The following MPPED2 variants were observed in gnomAD, a reference collection of about 807,000 sequenced individuals.
MPPED2 encodes metallophosphoesterase domain containing 2.
Under a neutral mutation model 33.0 loss-of-function variants are expected in MPPED2, and 5 were observed. The observed-to-expected ratio is 0.15, with a 90% CI of 0.08 to 0.32. The LOEUF is 0.32. Ranked by LOEUF, MPPED2 falls within the 10% of genes least tolerant of loss-of-function variation. The pLI, the probability that MPPED2 is intolerant of heterozygous loss-of-function variation, is 1.00. For missense variants in MPPED2, 275 were observed against 372.1 expected (o/e 0.74, Z 2.15); for synonymous variants, 136 against 141.9 (o/e 0.96, Z 0.29).
chr11:30,515,080 G>A (rs950776680), intron 3 of MPPED2, among the ~76,000 whole-genome samples: 4 of 152,162 alleles, frequency 2.6e-5, no homozygotes, highest in African/African-American at 9.7e-5. Context: ...GGGCAAAAGA[G>A]TGAGACTCTA....
chr11:30,393,634 T>C lies in MPPED2; in HGVS notation c.767-4678A>G, dbSNP rs1370270264. On this transcript the variant is annotated intron_variant, in intron 6 of 6. Coordinates refer to the MPPED2 transcript ENST00000448418. ...ACTTCATCCTCTGTGCCTAAAACAA[T>C]GTGAACACATAGGTAGTGCTCAATA... Among the ~76,000 whole-genome samples the C allele has an allele frequency of 2.6e-5, 4 of 152,176 alleles. No individual in the cohort carries two copies. The East Asian group carries it at 7.7e-4, about 29-fold the overall frequency.
At chr11:30,551,027 A>C (rs1046288477) in intron 2 of MPPED2, among the ~76,000 whole-genome samples, 1 of 152,216 alleles carries the variant, frequency 6.6e-6, no homozygotes, top group African/African-American at 2.4e-5. Flanking sequence ...TGACTCATAC[A>C]TAATTTCAAT....
chr11:30,454,348 T>C (rs902629652), intron 4 of MPPED2, among the ~76,000 whole-genome samples: 3 of 152,158 alleles, frequency 2.0e-5, no homozygotes, highest in Non-Finnish European at 4.4e-5. Flanking sequence ...ATAACCACGA[T>C]GTGTATAAAC....
intron 2 of MPPED2, among the ~76,000 whole-genome samples, chr11:30,553,173 A>C (rs1407778476): frequency 2.0e-5 from 3 of 152,010 alleles, no homozygotes; most frequent in Non-Finnish European, 1.5e-5. Context: ...CTGTTCCATC[A>C]CCACTCAACA....
At chr11:30,503,458 G>A (rs1276082380) in intron 3 of MPPED2, among the ~76,000 whole-genome samples, 2 of 152,020 alleles carry the variant, frequency 1.3e-5, no homozygotes, top group South Asian at 2.1e-4. Flanking sequence ...AAACAGGGTC[G>A]ATCACAATCA....
chr11:30,578,699 C>A (rs1957034082), intron 2 of MPPED2, among the ~76,000 whole-genome samples: 1 of 152,004 alleles, frequency 6.6e-6, no homozygotes, highest in Admixed American at 6.6e-5. Flanking sequence ...CCTTGTAGTT[C>A]TTTAATACAA....
chr11:30,388,517 G>C (rs1420835422), exon 7 of MPPED2: 1 of 163,632 alleles, frequency 6.1e-6, no homozygotes, highest in Non-Finnish European at 1.3e-5. Flanking sequence ...GGGACTGTTG[G>C]TAGGGGATGC....
At chr11:30,476,282 C>T (rs1326166581) in intron 4 of MPPED2, among the ~76,000 whole-genome samples, 2 of 151,828 alleles carry the variant, frequency 1.3e-5, no homozygotes, top group Non-Finnish European at 1.5e-5. Context: ...TTATTTTCTT[C>T]AGTGGTTTAT....
In MPPED2 at chr11:30,570,116, G is replaced by A. The variant is rs80041744; in HGVS notation, c.128+10130C>T. The stretch of plus-strand genomic sequence containing the variant: ...TTTGAGATGCTATTAACAAAATAGC[G>A]TAGACTGGGTAGCTCATAAAAGACA... On this transcript the variant is annotated intron_variant, in intron 2 of 6. Transcript: ENST00000358117. 5.1e-3 allele frequency among the ~76,000 whole-genome samples: 781 copies of A among 152,132 alleles called. 11 individuals are homozygous for A. The highest frequency in any genetic ancestry group is 0.017 in the African/African-American group (714 of 41,490).
intron 4 of MPPED2, among the ~76,000 whole-genome samples, chr11:30,479,244 C>A (rs1951368589): frequency 6.6e-6 from 1 of 152,114 alleles, no homozygotes; most frequent in Admixed American, 6.6e-5. Flanking sequence ...AAAGAGAATT[C>A]AAACCACTTC....
intron 4 of MPPED2, among the ~76,000 whole-genome samples, chr11:30,493,805 T>C (rs2134197746): frequency 6.6e-6 from 1 of 152,320 alleles, no homozygotes; most frequent in Non-Finnish European, 1.5e-5. Flanking sequence ...ACTGCAAACT[T>C]TACCTATTTT....
chr11:30,401,530 C>T (rs1030129887), intron 6 of MPPED2, among the ~76,000 whole-genome samples: 16 of 152,246 alleles, frequency 1.1e-4, no homozygotes, highest in African/African-American at 3.9e-4. Context: ...AGCCTCATCC[C>T]TAGAATAGGG....
chr11:30,427,449 C>T (rs1248541868), intron 4 of MPPED2, among the ~76,000 whole-genome samples: 1 of 152,158 alleles, frequency 6.6e-6, no homozygotes, highest in African/African-American at 2.4e-5. Context: ...AAGCCTGCTA[C>T]CTGCAAAATA....
At chr11:30,527,418 C>T (rs1250998005) in intron 3 of MPPED2, among the ~76,000 whole-genome samples, 1 of 150,502 alleles carries the variant, frequency 6.6e-6, no homozygotes, top group African/African-American at 2.5e-5. Flanking sequence ...TGAATAAAGC[C>T]TGGTGCTGGA....
In MPPED2 at chr11:30,424,247, A is replaced by C. The variant is rs528372048; in HGVS notation, c.537-6614T>G. On this transcript the variant is annotated intron_variant, in intron 4 of 6. Transcript: ENST00000358117. The stretch of plus-strand genomic sequence containing the variant: ...TATAATAGGGGGTGAAGAGAGGTTC[A>C]CCGAAGGAATTGACAAGCTACTAAT... Among the ~76,000 whole-genome samples, 226 of 152,324 alleles carry C rather than the reference A, an allele frequency of 1.5e-3. 1 individual carries two copies. The highest frequency in any genetic ancestry group is 3.0e-3 in the Non-Finnish European group (205 of 68,026).
intron 4 of MPPED2, among the ~76,000 whole-genome samples, chr11:30,452,562 A>G (rs1187983399): frequency 6.6e-6 from 1 of 152,160 alleles, no homozygotes; most frequent in African/African-American, 2.4e-5. Flanking sequence ...TTGGGGTCCA[A>G]CTCGAACTTA....
intron 3 of MPPED2, among the ~76,000 whole-genome samples, chr11:30,524,533 G>A (rs2134399844): frequency 6.6e-6 from 1 of 152,320 alleles, no homozygotes; most frequent in East Asian, 1.9e-4. Context: ...GGTGATAACA[G>A]CATCAACCAG....
At chr11:30,568,306 A>G (rs1956536462) in intron 2 of MPPED2, among the ~76,000 whole-genome samples, 1 of 152,126 alleles carries the variant, frequency 6.6e-6, no homozygotes, top group Non-Finnish European at 1.5e-5. Flanking sequence ...AATGGTGCCC[A>G]GATTTCTGCT....
chr11:30,432,312 G>T (rs1166530148), intron 4 of MPPED2, among the ~76,000 whole-genome samples: 1 of 152,112 alleles, frequency 6.6e-6, no homozygotes, highest in African/African-American at 2.4e-5. Context: ...TCATTTTTCC[G>T]ATACTCAGTC....
Sources: gnomAD v4.1 joint callset for allele counts (sites outside exome capture counted in the v4.1 genomes callset) on GRCh38, gnomAD v4.1.1 for gene constraint, MANE v1.5 for transcripts, NCBI Gene and HGNC (gene_info 2026-07-23, HGNC 2026-07-21) for gene names.